PECR: variants seen among roughly 807,000 people sequenced by gnomAD.
The protein encoded by PECR is 2,4-dienoyl-CoA reductase-related protein.
A neutral mutation model predicts 35.3 loss-of-function variants in PECR; 30 were observed. The observed-to-expected ratio is 0.85, with a 90% confidence interval of 0.64 to 1.15. PECR has a LOEUF of 1.15. Ranked by LOEUF, PECR falls within the 50% of genes most tolerant of loss-of-function variation. The pLI is 0.00. For missense variants in PECR, 392 were observed against 370.8 expected (o/e 1.06, Z -0.47); for synonymous variants, 148 against 138.9 (o/e 1.07, Z -0.46).
intron 7 of PECR, among the ~76,000 whole-genome samples, chr2:216,042,642 C>G (rs1223870934): frequency 6.6e-6 from 1 of 152,088 alleles, no homozygotes; most frequent in Non-Finnish European, 1.5e-5. Flanking sequence ...GGATACTGGA[C>G]TTTGTGATCT....
At chr2:216,047,230 C>A (rs1445830864) in intron 6 of PECR, among the ~76,000 whole-genome samples, 2 of 151,136 alleles carry the variant, frequency 1.3e-5, no homozygotes, top group East Asian at 3.9e-4. Flanking sequence ...CGCACTCCAG[C>A]CTGGGCAAGA....
chr2:216,070,190 CAAAT>C (rs1036107300), intron 1 of PECR, among the ~76,000 whole-genome samples: 15 of 152,040 alleles, frequency 9.9e-5, no homozygotes, highest in African/African-American at 2.4e-4. Context: ...TTTTAACTGA[CAAAT>C]AACTATACAT....
At chr2:216,064,835 G>T (rs1033583163) in intron 3 of PECR, among the ~76,000 whole-genome samples, 1 of 152,060 alleles carries the variant, frequency 6.6e-6, no homozygotes, top group Non-Finnish European at 1.5e-5. Context: ...AAAATCTCTT[G>T]AGTTACCCAA....
chr2:216,050,242 G>T (rs980793024), intron 5 of PECR, among the ~76,000 whole-genome samples: 1 of 152,046 alleles, frequency 6.6e-6, no homozygotes, highest in African/African-American at 2.4e-5. Context: ...AAAAAAAATT[G>T]TATCTCACAG....
chr2:216,034,312 G>A (rs1694759653), downstream of PECR, among the ~76,000 whole-genome samples: 3 of 152,174 alleles, frequency 2.0e-5, no homozygotes, highest in Non-Finnish European at 4.4e-5. Flanking sequence ...AAATTGATTG[G>A]CTGTGGGTCC....
At chr2:216,071,735 A>C (rs1212496088) in intron 1 of PECR, among the ~76,000 whole-genome samples, 1 of 152,192 alleles carries the variant, frequency 6.6e-6, no homozygotes, top group African/African-American at 2.4e-5. Flanking sequence ...GCAAGTTAAG[A>C]TGACTTTTGC....
At chr2:216,056,047 T>G (rs751308960) in intron 4 of PECR, among the ~76,000 whole-genome samples, 16 of 152,136 alleles carry the variant, frequency 1.1e-4, no homozygotes, top group South Asian at 2.1e-4. Flanking sequence ...TGCAAATACC[T>G]TTACTGGAAT....
At chr2:216,056,825 C>A (rs576426369) in intron 4 of PECR, among the ~76,000 whole-genome samples, 1 of 151,014 alleles carries the variant, frequency 6.6e-6, no homozygotes, top group Admixed American at 6.6e-5. Flanking sequence ...GACACATATA[C>A]ACATATGTGT....
chr2:216,043,039 GTA>G (rs571788458), intron 7 of PECR, among the ~76,000 whole-genome samples: 2,592 of 89,632 alleles, frequency 0.029, 197 homozygotes, highest in African/African-American at 0.099. Context: ...ATATGTATGT[GTA>G]TATATATATA....
intron 1 of PECR, among the ~76,000 whole-genome samples, chr2:216,072,746 T>C (rs1326543832): frequency 6.6e-6 from 1 of 152,228 alleles, no homozygotes; most frequent in Non-Finnish European, 1.5e-5. Flanking sequence ...ATATATAACA[T>C]ATTTTCTTTA....
At chr2:216,061,311 CAAAAAAAAAAAAAAAAA>C (rs56791924) in intron 3 of PECR, among the ~76,000 whole-genome samples, 5 of 44,932 alleles carry the variant, frequency 1.1e-4, no homozygotes, top group Non-Finnish European at 1.5e-4. Flanking sequence ...AACCCTGTCT[CAAAAAAAAAAAAAAAAA>C]AAAAAAAAAA....
In PECR at chr2:216,081,722, C is replaced by A. The variant is rs759041960; in HGVS notation, c.20G>T (p.Gly7Val). 5.0e-6 allele frequency: 8 copies of A among 1,613,272 alleles called. No individual in the cohort carries two copies. The highest frequency in any genetic ancestry group is 2.2e-5 in the South Asian group (2 of 91,074). The change falls in exon 1 of 8, where the codon GGC becomes GTC. Residue 7 changes from glycine (G) to valine (V), a missense_variant. Transcript: ENST00000265322. MASWAKGRSYLAPGLLQ... is the reference protein window; with the variant it reads MASWAKVRSYLAPGLLQ... ...CAAACCAGGCGCCAGGTAGCTCCTG[C>A]CCTTAGCCCAGGAGGCCATCCCTGC...
At chr2:216,081,480 T>G in intron 1 of PECR, 138 bp downstream of exon 1, 1 of 1,039,814 alleles carries the variant, frequency 9.6e-7, no homozygotes, top group South Asian at 1.3e-5. Flanking sequence ...CTGGTGGTCG[T>G]AATTTCGCCC....
At chr2:216,030,946 TCTCTCTCTCTCA>T (rs1486500938) in intron 7 of PECR, among the ~76,000 whole-genome samples, 5 of 89,236 alleles carry the variant, frequency 5.6e-5, no homozygotes, top group African/African-American at 1.8e-4. Context: ...TCTCTCTCTC[TCTCTCTCTCTCA>T]CACACACACA....
chr2:216,050,910 A>T (rs986048496), intron 5 of PECR: 3 of 153,504 alleles, frequency 2.0e-5, no homozygotes, highest in African/African-American at 7.3e-5. Flanking sequence ...AAAAAAAAAA[A>T]AAAAAAGCCA....
intron 1 of PECR, among the ~76,000 whole-genome samples, chr2:216,073,390 T>A (rs1157256130): frequency 1.3e-5 from 2 of 152,200 alleles, no homozygotes; most frequent in Non-Finnish European, 2.9e-5. Context: ...ATGTCATAGC[T>A]GCAATTACTT....
intron 7 of PECR, among the ~76,000 whole-genome samples, chr2:216,030,940 TCTCTCTCTCTCTCTCTCACACACACA>T (rs756227136): frequency 8.3e-5 from 6 of 72,422 alleles, no homozygotes; most frequent in South Asian, 4.3e-4. Flanking sequence ...TCTCTCTCTC[TCTCTCTCTCTCTCTCTCACACACACA>T]CACACACACA....
intron 4 of PECR, among the ~76,000 whole-genome samples, chr2:216,053,449 T>C (rs1277971410): frequency 6.6e-6 from 1 of 151,882 alleles, no homozygotes; most frequent in Non-Finnish European, 1.5e-5. Flanking sequence ...TTTCACCGTG[T>C]TAGCCAGGAT....
rs1014965907 is a variant in PECR, at chr2:216,049,488, A to G, written c.604-115T>C. ...AACATTAAGTAGCTTAAGTCAAAAAAAAGTTAACAGTGCTGATATTAAATT... is the reference window on the plus strand; with the variant it reads ...AACATTAAGTAGCTTAAGTCAAAAAGAAGTTAACAGTGCTGATATTAAATT... On this transcript the variant is annotated intron_variant, in intron 5 of 7. Transcript: ENST00000265322. The G allele has an allele frequency of 2.6e-4, 157 of 605,284 alleles. No homozygotes were observed. The South Asian group carries it at 3.0e-3, about 11-fold the overall frequency. The allele number at this position is 605,284 out of a possible 1,614,324, so 37.5% of individuals were successfully genotyped here.
Sources: allele counts gnomAD v4.1 joint callset (sites outside exome capture counted in the v4.1 genomes callset), GRCh38; gene constraint gnomAD v4.1.1; transcripts MANE v1.5; gene names NCBI Gene and HGNC (gene_info 2026-07-23, HGNC 2026-07-21).